The following STT3B variants were observed in gnomAD, a reference collection of about 807,000 sequenced individuals.
The protein encoded by STT3B is dolichyl-diphosphooligosaccharide--protein glycosyltransferase subunit STT3B.
In STT3B, 29 loss-of-function variants were observed where a neutral mutation model predicts 96.8. The observed-to-expected ratio is 0.30, with a 90% CI of 0.22 to 0.41. The LOEUF (loss-of-function observed/expected upper bound fraction) is 0.41. STT3B is among the 10% of genes least tolerant of loss of function. The pLI is 1.00. For synonymous variants in STT3B, 367 were observed against 360.0 expected, an observed-to-expected ratio of 1.02 and a Z score of -0.22; for missense variants, 640 against 1,022.3, an observed-to-expected ratio of 0.63 and a Z score of 5.10.
At chr3:31,547,642 T>C (rs1410317729) in intron 1 of STT3B, among the ~76,000 whole-genome samples, 2 of 152,214 alleles carry the variant, frequency 1.3e-5, no homozygotes, top group African/African-American at 4.8e-5. Context: ...CGAGAGTCCA[T>C]CTCAGAAGAA....
intron 1 of STT3B, among the ~76,000 whole-genome samples, chr3:31,573,648 CAGG>C (rs1186927391): frequency 6.6e-6 from 1 of 152,034 alleles, no homozygotes; most frequent in Non-Finnish European, 1.5e-5. Flanking sequence ...GGTGTCTGAT[CAGG>C]AGTTTAGTTG....
intron 1 of STT3B, among the ~76,000 whole-genome samples, chr3:31,561,044 T>C (rs1483622439): frequency 6.6e-6 from 1 of 152,036 alleles, no homozygotes; most frequent in African/African-American, 2.4e-5. Context: ...GAAGGTTTCA[T>C]ATATATTTTT....
chr3:31,614,852 G>A (rs1699269641), intron 5 of STT3B, among the ~76,000 whole-genome samples: 1 of 151,850 alleles, frequency 6.6e-6, no homozygotes, highest in Admixed American at 6.6e-5. Context: ...TCTGGGAAAG[G>A]AATGCAACAC....
intron 1 of STT3B, among the ~76,000 whole-genome samples, chr3:31,572,067 TTA>T (rs1265877113): frequency 9.4e-6 from 1 of 105,986 alleles, no homozygotes; most frequent in Non-Finnish European, 2.0e-5. Flanking sequence ...TATTAATATA[TTA>T]AATATATTAA....
intron 5 of STT3B, among the ~76,000 whole-genome samples, chr3:31,610,747 A>G (rs1172716036): frequency 2.0e-5 from 3 of 152,172 alleles, no homozygotes; most frequent in Non-Finnish European, 2.9e-5. Context: ...CCCAGATGAG[A>G]GATTTTCTTT....
intron 1 of STT3B, among the ~76,000 whole-genome samples, chr3:31,571,753 G>T (rs1698142813): frequency 6.6e-6 from 1 of 151,930 alleles, no homozygotes; most frequent in Non-Finnish European, 1.5e-5. Flanking sequence ...ATTAGGCTCA[G>T]ATGCCTTATA....
intron 5 of STT3B, among the ~76,000 whole-genome samples, chr3:31,610,657 G>A (rs1699162014): frequency 6.6e-6 from 1 of 152,084 alleles, no homozygotes; most frequent in Non-Finnish European, 1.5e-5. Flanking sequence ...CTCTATATCT[G>A]TCTCGTCCCA....
intron 5 of STT3B, among the ~76,000 whole-genome samples, chr3:31,605,778 G>A (rs1048763025): frequency 2.6e-5 from 4 of 152,220 alleles, no homozygotes; most frequent in African/African-American, 9.6e-5. Flanking sequence ...ACCCGAAAAT[G>A]TGGAAGCACC....
In STT3B at chr3:31,633,286, T is replaced by TTA. The variant is rs1357186995; in HGVS notation, c.2400+139_2400+140insTA. On this transcript the variant is annotated intron_variant, in intron 15 of 15. Coordinates refer to ENST00000295770, the MANE Select transcript of STT3B (RefSeq NM_178862.3). ...CTTCTATATTAATACGAAGTAAATA[T>TTA]CAGCCTAGCCTGCTAGGAGCATTCC... 4.0e-6 allele frequency: 3 copies of TTA among 759,282 alleles called. No homozygotes were observed. In the African/African-American group the frequency reaches 5.3e-5, roughly 13 times the overall value. 47.0% of individuals were successfully genotyped at this position (759,282 alleles called of 1,614,324 possible).
intron 15 of STT3B, among the ~76,000 whole-genome samples, chr3:31,633,794 G>A (rs1699710311): frequency 6.6e-6 from 1 of 152,020 alleles, no homozygotes; most frequent in African/African-American, 2.4e-5. Flanking sequence ...TATATAGGTT[G>A]TCCAGCAGTA....
At chr3:31,629,110 A>G (rs1699599564) in intron 13 of STT3B, 188 bp from the exon 14 acceptor site, 3 of 500,482 alleles carry the variant, frequency 6.0e-6, no homozygotes, top group South Asian at 5.2e-5. Context: ...TGTCTCAAAA[A>G]TAATAATTAT....
At position 31,616,440 on chromosome 3, in the gene STT3B, A is replaced by G. The variant is rs141486628; in HGVS notation, c.977-489A>G. Among the ~76,000 whole-genome samples the G allele has an allele frequency of 1.4e-3, 209 of 152,068 alleles. 3 individuals are homozygous for G. Among genetic ancestry groups the G allele is most frequent in the Admixed American group, 3.3e-3 (51 of 15,268 alleles). ...ATAATTTGGCATGAGCCCTGATACA[A>G]ATTTAGAATCTTGTCTAAATGTGTA... On this transcript the variant is annotated intron_variant, in intron 6 of 15. Transcript: ENST00000295770.
intron 1 of STT3B, among the ~76,000 whole-genome samples, chr3:31,570,606 A>T (rs1027820576): frequency 2.6e-5 from 4 of 152,236 alleles, no homozygotes; most frequent in African/African-American, 9.6e-5. Context: ...TTATCTAAAA[A>T]TGGAATGGAA....
intron 1 of STT3B, among the ~76,000 whole-genome samples, chr3:31,559,927 A>G (rs1697831063): frequency 6.6e-6 from 1 of 152,064 alleles, no homozygotes; most frequent in South Asian, 2.1e-4. Flanking sequence ...TCCACTTATC[A>G]TTATATAATT....
intron 3 of STT3B, among the ~76,000 whole-genome samples, chr3:31,585,436 T>C (rs1275596718): frequency 6.6e-6 from 1 of 152,152 alleles, no homozygotes; most frequent in Non-Finnish European, 1.5e-5. Context: ...TGTGAGAACA[T>C]AGTAAGAAAT....
At chr3:31,551,149 T>G (rs897342445) in intron 1 of STT3B, among the ~76,000 whole-genome samples, 1 of 152,300 alleles carries the variant, frequency 6.6e-6, no homozygotes, top group Non-Finnish European at 1.5e-5. Context: ...TCTTCTCCCT[T>G]TGTTGAATTG....
At chr3:31,558,679 A>AG (rs1377456962) in intron 1 of STT3B, among the ~76,000 whole-genome samples, 1 of 152,180 alleles carries the variant, frequency 6.6e-6, no homozygotes, top group Non-Finnish European at 1.5e-5. Context: ...AATGCCTCAT[A>AG]GAAAAAGTTA....
At chr3:31,557,292 A>T (rs965290668) in intron 1 of STT3B, among the ~76,000 whole-genome samples, 4 of 152,078 alleles carry the variant, frequency 2.6e-5, no homozygotes, top group African/African-American at 9.7e-5. Flanking sequence ...AGTCTTATAA[A>T]ATCAGGTAGT....
intron 1 of STT3B, among the ~76,000 whole-genome samples, chr3:31,558,575 G>T (rs148735449): frequency 3.2e-4 from 49 of 152,208 alleles, no homozygotes; most frequent in East Asian, 1.9e-3. Context: ...TTGATGTACT[G>T]TTGGATTTTG....
Sources: gnomAD v4.1 joint callset for allele counts (sites outside exome capture counted in the v4.1 genomes callset) on GRCh38, gnomAD v4.1.1 for gene constraint, MANE v1.5 for transcripts, NCBI Gene and HGNC (gene_info 2026-07-23, HGNC 2026-07-21) for gene names.